The following MFSD11 variants were observed in gnomAD, a reference collection of about 807,000 sequenced individuals.
The protein encoded by MFSD11 is major facilitator superfamily domain containing 11, also known as UNC93-like protein MFSD11.
In MFSD11, 36 loss-of-function variants were observed where a neutral mutation model predicts 53.5. The observed-to-expected ratio is 0.67, with a 90% confidence interval of 0.52 to 0.89. The LOEUF (loss-of-function observed/expected upper bound fraction) is 0.89. Among genes scored for constraint, MFSD11 ranks in the 40% least tolerant of loss-of-function variants. The pLI, the probability that MFSD11 is intolerant of heterozygous loss-of-function variation, is 0.00. For synonymous variants in MFSD11, 186 were observed against 184.9 expected (o/e 1.01, Z -0.05); for missense variants, 530 against 543.9 (o/e 0.97, Z 0.25).
Position 76,741,075 on chromosome 17 carries a change from TA to T in MFSD11, c.260+13del. 6.9e-7 allele frequency: 1 copy of T among 1,444,486 alleles called. No individual in the cohort carries two copies. The highest frequency in any genetic ancestry group is 9.7e-7 in the Non-Finnish European group (1 of 1,026,434). The allele number at this position is 1,444,486 out of a possible 1,614,324, so 89.5% of individuals were successfully genotyped here. ...TGGTTTATTTTACAGGTAAGTAGTG[TA>T]ATCTTGCACTTATTTAATCAGAACA... On this transcript the variant is annotated intron_variant, in intron 3 of 12. Coordinates refer to ENST00000685175, the MANE Select transcript of MFSD11 (RefSeq NM_001242532.5).
At chr17:76,772,911 A>C (rs1384865323) in intron 10 of MFSD11, among the ~76,000 whole-genome samples, 1 of 152,148 alleles carries the variant, frequency 6.6e-6, no homozygotes, top group Non-Finnish European at 1.5e-5. Context: ...CTGGAGCATT[A>C]CTCAGTCTAG....
At chr17:76,764,148 A>G (rs971394766) in intron 8 of MFSD11, among the ~76,000 whole-genome samples, 1 of 152,194 alleles carries the variant, frequency 6.6e-6, no homozygotes, top group Non-Finnish European at 1.5e-5. Flanking sequence ...CGTGGGCCCT[A>G]GCACTCGGCC....
the MFSD11 span, among the ~76,000 whole-genome samples, chr17:76,803,018 G>T: frequency 1.3e-5 from 2 of 152,014 alleles, no homozygotes; most frequent in African/African-American, 2.4e-5. Context: ...TTAGCCGGGC[G>T]TGGTGGCAGG....
chr17:76,767,262 T>C, intron 8 of MFSD11, 124 bp from the exon 9 acceptor site: 1 of 603,660 alleles, frequency 1.7e-6, no homozygotes, highest in Non-Finnish European at 2.9e-6. Flanking sequence ...ATCTGAAAGT[T>C]ATATCCCAAA....
At chr17:76,762,768 C>A (rs568567958) in intron 8 of MFSD11, among the ~76,000 whole-genome samples, 1 of 151,700 alleles carries the variant, frequency 6.6e-6, no homozygotes, top group South Asian at 2.1e-4. Flanking sequence ...TAATTGACAT[C>A]GTGGACTTCC....
chr17:76,794,829 A>G, the MFSD11 span, among the ~76,000 whole-genome samples: 13 of 150,774 alleles, frequency 8.6e-5, no homozygotes, highest in Admixed American at 3.3e-4. Flanking sequence ...AGTAGCTGGG[A>G]TTACAGGTGC....
intron 8 of MFSD11, among the ~76,000 whole-genome samples, chr17:76,754,415 A>C (rs2079368719): frequency 6.6e-6 from 1 of 151,992 alleles, no homozygotes; most frequent in Admixed American, 6.6e-5. Context: ...GCGCGCAGTG[A>C]CTCGCGCCTG....
At chr17:76,741,948 C>A (rs2078123779) in intron 3 of MFSD11, 21 bp from the exon 4 acceptor site, 20 of 1,614,020 alleles carry the variant, frequency 1.2e-5, no homozygotes, top group Non-Finnish European at 1.6e-5. Flanking sequence ...GACTGTAATA[C>A]CTTGACCTGT....
chr17:76,778,482 CTG>C lies in MFSD11; in HGVS notation c.*132_*133del. ...AGTATGGAAAATCAAGGGATTAAGA[CTG>C]TTAAATCAGCCAGAGTTGGTGTTCA... On this transcript the variant is annotated 3_prime_UTR_variant, in exon 13 of 13. Coordinates refer to ENST00000685175, the MANE Select transcript of MFSD11 (RefSeq NM_001242532.5). 1 of 879,746 alleles carries C rather than the reference CTG, an allele frequency of 1.1e-6. No homozygotes were observed. Among genetic ancestry groups the C allele is most frequent in the Non-Finnish European group, 1.7e-6 (1 of 580,538 alleles). The allele number at this position is 879,746 out of a possible 1,614,324, so 54.5% of individuals were successfully genotyped here. A position where few individuals can be genotyped will look rare whatever the true frequency, so the allele number is the denominator to read the frequency against.
chr17:76,736,741 C>A (rs2077517658), upstream of MFSD11: 12 of 1,389,606 alleles, frequency 8.6e-6, no homozygotes, highest in Middle Eastern at 2.1e-3. Flanking sequence ...TTTGTGAGGT[C>A]GCCCGGGCCT....
chr17:76,780,882 T>A (rs2082149359), downstream of MFSD11, among the ~76,000 whole-genome samples: 1 of 152,246 alleles, frequency 6.6e-6, no homozygotes, highest in Non-Finnish European at 1.5e-5. Context: ...TAGTTGATCC[T>A]ATATAAATAA....
intron 8 of MFSD11, 45 bp downstream of exon 8, chr17:76,754,132 A>G (rs1327026066): frequency 7.6e-7 from 1 of 1,316,484 alleles, no homozygotes; most frequent in Non-Finnish European, 1.0e-6. Flanking sequence ...TTCAGGAACA[A>G]CTCGGCATTT....
intron 9 of MFSD11, among the ~76,000 whole-genome samples, chr17:76,768,782 C>T (rs942168288): frequency 7.9e-5 from 12 of 151,870 alleles, no homozygotes; most frequent in Admixed American, 5.9e-4. Flanking sequence ...GTCAGGAGTT[C>T]GAGACCAGCC....
At chr17:76,797,873 G>A in the MFSD11 span, among the ~76,000 whole-genome samples, 1 of 143,276 alleles carries the variant, frequency 7.0e-6, no homozygotes, top group African/African-American at 2.6e-5. Flanking sequence ...AGAATGGCTT[G>A]CAGAACTCAG....
At chr17:76,772,200 C>G (rs1008010956) in intron 10 of MFSD11, among the ~76,000 whole-genome samples, 3 of 151,996 alleles carry the variant, frequency 2.0e-5, no homozygotes, top group African/African-American at 7.2e-5. Context: ...GTGGGCAGAT[C>G]GCTTGAGTTC....
chr17:76,797,772 G>A, the MFSD11 span, among the ~76,000 whole-genome samples: 22 of 152,180 alleles, frequency 1.4e-4, no homozygotes, highest in African/African-American at 4.8e-4. Context: ...TCAGATGCCA[G>A]TCCTAAATCC....
At chr17:76,736,817 T>C (rs1255005307), upstream of MFSD11, 2 of 1,588,650 alleles carry the variant, frequency 1.3e-6, no homozygotes, top group South Asian at 1.1e-5. Flanking sequence ...CCGGCGTCCG[T>C]AGCCACCGCC....
chr17:76,782,464 C>G (rs1339515839), downstream of MFSD11, among the ~76,000 whole-genome samples: 3 of 140,806 alleles, frequency 2.1e-5, no homozygotes, highest in Non-Finnish European at 4.5e-5. Context: ...CGTGAGCCAC[C>G]GCGCCCAGGC....
intron 11 of MFSD11, among the ~76,000 whole-genome samples, chr17:76,775,741 A>G (rs185157002): frequency 6.6e-6 from 1 of 152,348 alleles, no homozygotes; most frequent in African/African-American, 2.4e-5. Context: ...GGGAAGTGTT[A>G]TTAGAACATT....
Sources: allele counts gnomAD v4.1 joint callset (sites outside exome capture counted in the v4.1 genomes callset), GRCh38; gene constraint gnomAD v4.1.1; transcripts MANE v1.5; gene names NCBI Gene and HGNC (gene_info 2026-07-23, HGNC 2026-07-21).